TTC28: variants seen among roughly 807,000 people sequenced by gnomAD.
The protein encoded by TTC28 is tetratricopeptide repeat protein 28.
In TTC28, 61 loss-of-function variants were observed where a neutral mutation model predicts 198.0. The observed-to-expected ratio is 0.31, with a 90% CI of 0.25 to 0.38. TTC28 has a LOEUF of 0.38. Among genes scored for constraint, TTC28 ranks in the 10% least tolerant of loss-of-function variants. The probability of loss-of-function intolerance (pLI) is 1.00; values close to 1 mark genes in which losing one functional copy is unlikely to be tolerated. For synonymous variants in TTC28, 1,171 were observed against 1,297.8 expected, an observed-to-expected ratio of 0.90 and a Z score of 2.10; for missense variants, 2,678 against 3,164.0, an observed-to-expected ratio of 0.85 and a Z score of 3.69.
intron 9 of TTC28, among the ~76,000 whole-genome samples, chr22:28,100,290 T>G (rs1942105254): frequency 6.6e-6 from 1 of 152,238 alleles, no homozygotes; most frequent in African/African-American, 2.4e-5. Context: ...GCTGTGTGAC[T>G]TTTGGCAAGA....
chr22:28,546,377 C>T (rs1312593298), intron 2 of TTC28, among the ~76,000 whole-genome samples: 2 of 152,076 alleles, frequency 1.3e-5, no homozygotes, highest in African/African-American at 2.4e-5. Context: ...ACCCGGGAGG[C>T]GGGGGTTGCA....
intron 2 of TTC28, among the ~76,000 whole-genome samples, chr22:28,338,461 G>C (rs891836215): frequency 2.0e-5 from 3 of 151,610 alleles, no homozygotes; most frequent in African/African-American, 4.8e-5. Context: ...TTCTCCCCAT[G>C]ACTTTCAGGT....
intron 2 of TTC28, among the ~76,000 whole-genome samples, chr22:28,526,589 G>T (rs1484518573): frequency 6.6e-6 from 1 of 152,098 alleles, no homozygotes; most frequent in Non-Finnish European, 1.5e-5. Context: ...AGTCTTACAG[G>T]CCTGAGGAGT....
intron 2 of TTC28, among the ~76,000 whole-genome samples, chr22:28,398,349 G>C (rs534562381): frequency 3.9e-5 from 6 of 152,354 alleles, no homozygotes; most frequent in African/African-American, 1.4e-4. Flanking sequence ...GAGAGATGGA[G>C]AGGGAGCCAG....
intron 5 of TTC28, among the ~76,000 whole-genome samples, chr22:28,281,824 G>A (rs566691002): frequency 6.6e-6 from 1 of 152,308 alleles, no homozygotes; most frequent in Admixed American, 6.5e-5. Context: ...AGCCTTACTT[G>A]AGTTGCTTGG....
In TTC28 at chr22:28,005,684, T is replaced by G. The variant is rs17483268; in HGVS notation, c.4219-4131A>C. Among the ~76,000 whole-genome samples the G allele has an allele frequency of 7.8e-3, 1,191 of 152,248 alleles. 5 individuals are homozygous for G. The highest frequency in any genetic ancestry group is 0.011 in the Non-Finnish European group (779 of 68,010). On this transcript the variant is annotated intron_variant, in intron 14 of 22. Coordinates refer to ENST00000397906, the MANE Select transcript of TTC28 (RefSeq NM_001145418.2). This position sits in a 1 kb window ranked among gnomAD's most constrained non-coding sequence, Gnocchi z 4.9. The stretch of plus-strand genomic sequence containing the variant: ...GTCTCGGCCTGGTGATAATCTTCCC[T>G]CACTCCCAAGGCCTCCTGCCTCTGC...
chr22:28,415,500 G>T (rs10483149), intron 2 of TTC28, among the ~76,000 whole-genome samples: 1 of 152,138 alleles, frequency 6.6e-6, no homozygotes, highest in Non-Finnish European at 1.5e-5. Flanking sequence ...AAAATAGACC[G>T]TAGTAATCAA....
chr22:28,107,598 G>T lies in TTC28; in HGVS notation c.2247C>A (p.Asp749Glu), dbSNP rs1206019859. ...QQLGLAHQVK[D>E]RRLEASAYAA... ...CATATGCACTGGCTTCTAATCTTCT[G>T]TCCTTTACCTGGTGAGCTAAGCCCA... The change falls in exon 7 of 23, where the codon GAC (aspartate) becomes GAA (glutamate). Residue 749 changes from aspartate to glutamate, a missense_variant. By Grantham distance (45) the Asp-to-Glu change is conservative. Transcript: ENST00000397906. The T allele has an allele frequency of 6.4e-7, 1 of 1,551,732 alleles. No individual in the cohort carries two copies.
chr22:28,235,378 TA>T (rs1298607796), intron 5 of TTC28, among the ~76,000 whole-genome samples: 2 of 152,208 alleles, frequency 1.3e-5, no homozygotes, highest in Admixed American at 1.3e-4. Context: ...GTGGCAAATC[TA>T]ACTGGCCTCT....
chr22:28,565,341 A>G (rs2049952762), intron 2 of TTC28, among the ~76,000 whole-genome samples: 1 of 152,236 alleles, frequency 6.6e-6, no homozygotes, highest in African/African-American at 2.4e-5. Context: ...ATATTAAAGA[A>G]AAAGTAACAT....
At chr22:28,505,256 CAAAAAAAAAA>C (rs35503278) in intron 2 of TTC28, among the ~76,000 whole-genome samples, 1 of 75,414 alleles carries the variant, frequency 1.3e-5, no homozygotes, top group South Asian at 5.0e-4. Context: ...GACTCCGTCT[CAAAAAAAAAA>C]AAAAAAAAAA....
intron 5 of TTC28, among the ~76,000 whole-genome samples, chr22:28,230,494 T>C (rs918907564): frequency 6.6e-6 from 1 of 152,314 alleles, no homozygotes; most frequent in African/African-American, 2.4e-5. Context: ...TGTCTTCTCA[T>C]TGCCCAGAAA....
chr22:28,276,620 A>G (rs1228720517), intron 5 of TTC28, among the ~76,000 whole-genome samples: 1 of 152,214 alleles, frequency 6.6e-6, no homozygotes, highest in Non-Finnish European at 1.5e-5. Context: ...CTGCTGTGGC[A>G]GCTAAAACTT....
chr22:28,654,757 G>A (rs1028151034), intron 1 of TTC28, among the ~76,000 whole-genome samples: 1 of 152,166 alleles, frequency 6.6e-6, no homozygotes, highest in Non-Finnish European at 1.5e-5. Flanking sequence ...CAACTCCTTA[G>A]GTGGGAAGTG....
intron 13 of TTC28, among the ~76,000 whole-genome samples, chr22:28,022,913 G>A (rs1938670289): frequency 6.6e-6 from 1 of 152,240 alleles, no homozygotes; most frequent in Admixed American, 6.5e-5. Flanking sequence ...TGAACCTGGT[G>A]AACACTGCAT....
intron 6 of TTC28, among the ~76,000 whole-genome samples, chr22:28,114,784 C>T (rs1184011235): frequency 6.6e-6 from 1 of 152,108 alleles, no homozygotes; most frequent in Non-Finnish European, 1.5e-5. Flanking sequence ...TGGGATCTCA[C>T]TATGTTGCCC....
intron 12 of TTC28, among the ~76,000 whole-genome samples, chr22:28,086,753 T>A (rs1192062850): frequency 6.6e-6 from 1 of 151,946 alleles, no homozygotes; most frequent in South Asian, 2.1e-4. Context: ...TCAACAAAAT[T>A]GATAGACCAC....
intron 2 of TTC28, among the ~76,000 whole-genome samples, chr22:28,381,834 A>G (rs1422955531): frequency 2.0e-5 from 3 of 152,206 alleles, no homozygotes; most frequent in Non-Finnish European, 4.4e-5. Context: ...TGTTCTATTT[A>G]TATTTCCAAA....
chr22:28,639,663 C>A (rs1375910568), intron 1 of TTC28, among the ~76,000 whole-genome samples: 1 of 152,170 alleles, frequency 6.6e-6, no homozygotes, highest in East Asian at 1.9e-4. Context: ...TCTTTGCCTG[C>A]TGTCATCCAT....
Sources: allele counts gnomAD v4.1 joint callset (sites outside exome capture counted in the v4.1 genomes callset), GRCh38; gene constraint gnomAD v4.1.1; non-coding constraint Gnocchi (gnomAD v3.1); transcripts MANE v1.5; gene names NCBI Gene and HGNC (gene_info 2026-07-23, HGNC 2026-07-21).